Variants in RPRD1B observed in about 807,000 individuals in gnomAD.
The protein encoded by RPRD1B is regulation of nuclear pre-mRNA domain containing 1B.
RPRD1B carries 11 observed loss-of-function variants against 41.5 expected under a neutral mutation model. The observed-to-expected ratio is 0.27, with a 90% CI of 0.17 to 0.44. RPRD1B has a LOEUF of 0.44. RPRD1B is among the 20% of genes least tolerant of loss of function. RPRD1B has a pLI of 1.00. For synonymous variants in RPRD1B, 158 were observed against 155.6 expected (o/e 1.02, Z -0.12); for missense variants, 248 against 389.9 (o/e 0.64, Z 3.06).
chr20:38,054,482 C>T (rs147787875), intron 3 of RPRD1B, among the ~76,000 whole-genome samples: 98 of 152,316 alleles, frequency 6.4e-4, no homozygotes, highest in African/African-American at 2.3e-3. Context: ...GTAAAGATAA[C>T]TCCAGATAAT....
At chr20:38,056,122 C>G (rs2074238003) in intron 3 of RPRD1B, among the ~76,000 whole-genome samples, 2 of 152,130 alleles carry the variant, frequency 1.3e-5, no homozygotes, top group Non-Finnish European at 2.9e-5. Context: ...CGTGATGGCT[C>G]ACACCTGTAA....
intron 6 of RPRD1B, among the ~76,000 whole-genome samples, chr20:38,067,337 A>T (rs1228278159): frequency 6.6e-6 from 1 of 152,072 alleles, no homozygotes; most frequent in East Asian, 1.9e-4. Context: ...AGTTGCAGCC[A>T]GTGGTTTTGT....
At chr20:38,044,031 G>T (rs1201777494) in intron 2 of RPRD1B, among the ~76,000 whole-genome samples, 1 of 152,148 alleles carries the variant, frequency 6.6e-6, no homozygotes, top group African/African-American at 2.4e-5. Flanking sequence ...CCACTCCCAG[G>T]TTTGGTGATT....
intron 5 of RPRD1B, among the ~76,000 whole-genome samples, chr20:38,063,160 C>A (rs1408065761): frequency 6.6e-6 from 1 of 152,138 alleles, no homozygotes; most frequent in Non-Finnish European, 1.5e-5. Flanking sequence ...CAGATAGTTA[C>A]ATAGCTGGTT....
In RPRD1B at chr20:38,069,499, G is replaced by A. The variant is rs146655810; in HGVS notation, c.831+3243G>A. ...GGGAGCAGTTAGACTGGACCAGACA[G>A]GTATCTGAAGAAAGACAAAGTCAGA... On this transcript the variant is annotated intron_variant, in intron 6 of 6. Coordinates refer to ENST00000373433, the MANE Select transcript of RPRD1B (RefSeq NM_021215.4). 8.5e-3 allele frequency among the ~76,000 whole-genome samples: 1,299 copies of A among 152,324 alleles called. 21 individuals are homozygous for A. The highest frequency in any genetic ancestry group is 0.028 in the African/African-American group (1,162 of 41,562).
chr20:38,085,200 G>A (rs780802821), intron 6 of RPRD1B, among the ~76,000 whole-genome samples: 3 of 152,126 alleles, frequency 2.0e-5, no homozygotes, highest in South Asian at 2.1e-4. Flanking sequence ...AGCGTTGTGC[G>A]CTGTGGTTGA....
intron 3 of RPRD1B, among the ~76,000 whole-genome samples, chr20:38,057,079 T>G (rs1340302742): frequency 6.6e-6 from 1 of 152,206 alleles, no homozygotes; most frequent in Non-Finnish European, 1.5e-5. Context: ...TTTAGGGGAA[T>G]AGTGTAAAGA....
intron 3 of RPRD1B, among the ~76,000 whole-genome samples, chr20:38,056,915 A>G (rs781091817): frequency 1.3e-5 from 2 of 152,240 alleles, no homozygotes; most frequent in Non-Finnish European, 2.9e-5. Context: ...ATGTAAAAAC[A>G]TACGGTGCAG....
intron 6 of RPRD1B, among the ~76,000 whole-genome samples, chr20:38,089,264 C>T (rs191713144): frequency 6.6e-6 from 1 of 152,106 alleles, no homozygotes; most frequent in East Asian, 1.9e-4. Context: ...TTCTATAGTG[C>T]TTGTTTGCAA....
At position 38,090,784 on chromosome 20, in the gene RPRD1B, C is replaced by T; in HGVS notation, c.*909C>T. On this transcript the variant is annotated 3_prime_UTR_variant, in exon 7 of 7. Coordinates refer to ENST00000373433, the MANE Select transcript of RPRD1B (RefSeq NM_021215.4). Reference sequence around the variant, plus strand: ...GTGGGTGTTTCTTGGACCCTTTCTTCTGGGAGTAGGGTACACACTAACGTT... The same window carrying T: ...GTGGGTGTTTCTTGGACCCTTTCTTTTGGGAGTAGGGTACACACTAACGTT... The T allele has an allele frequency of 1.0e-6, 1 of 985,426 alleles. No individual in the cohort carries two copies. The highest frequency in any genetic ancestry group is 1.7e-5 in the African/African-American group (1 of 57,356). 61.0% of individuals were successfully genotyped at this position (985,426 alleles called of 1,614,324 possible). A position where few individuals can be genotyped will look rare whatever the true frequency, so the allele number is the denominator to read the frequency against.
At chr20:38,059,617 C>T in intron 5 of RPRD1B, 97 bp downstream of exon 5, 1 of 1,182,338 alleles carries the variant, frequency 8.5e-7, no homozygotes, top group Non-Finnish European at 1.2e-6. Flanking sequence ...GTATAGACTA[C>T]TTTCCATGTT....
intron 3 of RPRD1B, among the ~76,000 whole-genome samples, chr20:38,054,203 A>G (rs1285949500): frequency 6.6e-6 from 1 of 152,190 alleles, no homozygotes; most frequent in African/African-American, 2.4e-5. Context: ...CCTGGAAGAC[A>G]GGTCAGTGAA....
intron 1 of RPRD1B, among the ~76,000 whole-genome samples, chr20:38,034,408 T>C (rs189538651): frequency 1.3e-5 from 2 of 152,346 alleles, no homozygotes; most frequent in African/African-American, 4.8e-5. Flanking sequence ...ACTGCCGTAC[T>C]GGCCCTAGCA....
At chr20:38,055,961 T>G (rs1164047433) in intron 3 of RPRD1B, among the ~76,000 whole-genome samples, 1 of 152,192 alleles carries the variant, frequency 6.6e-6, no homozygotes, top group Non-Finnish European at 1.5e-5. Flanking sequence ...GAACTTGTTT[T>G]ATTGAGGGAC....
intron 6 of RPRD1B, among the ~76,000 whole-genome samples, chr20:38,086,518 T>C (rs921728679): frequency 3.3e-5 from 5 of 152,192 alleles, no homozygotes; most frequent in African/African-American, 1.2e-4. Context: ...TTTCATTTTT[T>C]TGTGGAGACA....
intron 6 of RPRD1B, among the ~76,000 whole-genome samples, chr20:38,077,611 G>T (rs2074475926): frequency 6.6e-6 from 1 of 152,146 alleles, no homozygotes; most frequent in South Asian, 2.1e-4. Flanking sequence ...TGCTACGCCA[G>T]TGTGGTTTTT....
At chr20:38,089,639 G>A (rs2074594630) in intron 6 of RPRD1B, 87 bp from the exon 7 acceptor site, 8 of 1,089,214 alleles carry the variant, frequency 7.3e-6, no homozygotes, top group Non-Finnish European at 1.1e-5. Flanking sequence ...AAGAACACGA[G>A]GACGAGAGTA....
chr20:38,046,435 ATAT>A (rs1307772538), intron 2 of RPRD1B, among the ~76,000 whole-genome samples: 13 of 152,244 alleles, frequency 8.5e-5, no homozygotes. Context: ...GTTCAAGGGC[ATAT>A]AGCAATGGGA....
At chr20:38,066,334 T>G (rs534063567) in intron 6 of RPRD1B, 78 bp downstream of exon 6, 1 of 1,276,196 alleles carries the variant, frequency 7.8e-7, no homozygotes, top group Non-Finnish European at 1.1e-6. Flanking sequence ...TTATTATGCT[T>G]TAATTAACAA....
Sources: allele counts gnomAD v4.1 joint callset (sites outside exome capture counted in the v4.1 genomes callset), GRCh38; gene constraint gnomAD v4.1.1; transcripts MANE v1.5; gene names NCBI Gene and HGNC (gene_info 2026-07-23, HGNC 2026-07-21).